HLTF: variants seen among roughly 807,000 people sequenced by gnomAD.
The protein encoded by HLTF is helicase like transcription factor, also known as DNA-dependent ATPase/E3 ubiquitin-protein ligase HLTF.
A neutral mutation model predicts 129.4 loss-of-function variants in HLTF; 127 were observed. The ratio of observed to expected loss-of-function variants is 0.98; its 90% CI spans 0.85 to 1.14. The LOEUF (loss-of-function observed/expected upper bound fraction) is 1.14. HLTF is among the 50% of genes most tolerant of loss of function. The pLI, the probability that HLTF is intolerant of heterozygous loss-of-function variation, is 0.00. For synonymous variants in HLTF, 332 were observed against 388.8 expected (o/e 0.85, Z 1.72); for missense variants, 1,139 against 1,187.1 (o/e 0.96, Z 0.60).
intron 2 of HLTF, among the ~76,000 whole-genome samples, chr3:149,079,481 T>C (rs1719693029): frequency 1.3e-5 from 1 of 74,436 alleles, no homozygotes; most frequent in Non-Finnish European, 2.9e-5. Flanking sequence ...TTAAAAAGTA[T>C]ATAATTATAA....
intron 21 of HLTF, 130 bp from the exon 22 acceptor site, chr3:149,039,823 CA>C: frequency 1.5e-6 from 1 of 667,000 alleles, no homozygotes; most frequent in Non-Finnish European, 2.4e-6. Context: ...TCATTTAAAA[CA>C]AAAAATTAAG....
At chr3:149,067,251 A>G (rs959971717) in intron 8 of HLTF, among the ~76,000 whole-genome samples, 2 of 151,894 alleles carry the variant, frequency 1.3e-5, no homozygotes, top group African/African-American at 4.8e-5. Context: ...TCACTAGGAC[A>G]TAAGTTATTA....
At chr3:149,050,081 A>G (rs535613306) in intron 15 of HLTF, 151 bp downstream of exon 15, 5 of 419,650 alleles carry the variant, frequency 1.2e-5, no homozygotes, top group Admixed American at 4.5e-5. Context: ...CAAAAAGTCA[A>G]AAAAAAAAAC....
At chr3:149,058,937 A>G (rs1196482533) in intron 13 of HLTF, among the ~76,000 whole-genome samples, 1 of 152,222 alleles carries the variant, frequency 6.6e-6, no homozygotes, top group African/African-American at 2.4e-5. Flanking sequence ...AAATTAGGGT[A>G]AAGAATAATC....
Position 149,060,686 on chromosome 3 carries a change from G to A in HLTF, c.1242C>T (p.Gly414=). The change falls in exon 12 of 25, where the codon GGC becomes GGT. Residue 414 remains glycine (G), a splice_region_variant and synonymous_variant. Coordinates refer to ENST00000310053, the MANE Select transcript of HLTF (RefSeq NM_003071.4). ...TTTCAGACTGTACATTTTTCAGTTT[G>A]CCTAAAAATAAAACAAAAATAAACA... The part of the protein sequence containing the change: ...ETSELPQKMK[G]KLKNVQSETK... 6.2e-7 allele frequency: 1 copy of A among 1,612,804 alleles called. No individual in the cohort carries two copies. The highest frequency in any genetic ancestry group is 8.5e-7 in the Non-Finnish European group (1 of 1,179,242).
Position 149,074,349 on chromosome 3 carries a change from C to CT in HLTF, c.396-2dup. On this transcript the variant is annotated splice_acceptor_variant, in intron 3 of 24. Transcript: ENST00000310053. LOFTEE classifies it high-confidence loss of function. The stretch of plus-strand genomic sequence containing the variant: ...ATTGTTTGCACCAAAAGGAACTACC[C>CT]TATTATATTTGGGAGAAAAAGAAAG... 2 of 1,599,824 alleles carry CT rather than the reference C, an allele frequency of 1.3e-6. No individual in the cohort carries two copies. The highest frequency in any genetic ancestry group is 1.7e-6 in the Non-Finnish European group (2 of 1,175,008).
chr3:149,040,280 T>A, intron 20 of HLTF, 124 bp from the exon 21 acceptor site: 2 of 799,606 alleles, frequency 2.5e-6, no homozygotes, highest in Non-Finnish European at 4.0e-6. Context: ...TTAAACCTTT[T>A]AATGGATTTC....
chr3:149,039,304 A>T (rs923859620), intron 22 of HLTF, 75 bp from the exon 23 acceptor site: 11 of 1,063,844 alleles, frequency 1.0e-5, no homozygotes, highest in Non-Finnish European at 1.4e-5. Flanking sequence ...GTAACTACAA[A>T]TCTCTTCAAT....
rs1718124025 is a variant in HLTF at position 149,063,504 on chromosome 3, G to A, written c.1087C>T (p.Gln363Ter). The A allele has an allele frequency of 6.2e-7, 1 of 1,606,230 alleles. No individual in the cohort carries two copies. The highest frequency in any genetic ancestry group is 1.1e-5 in the South Asian group (1 of 90,892). The change falls in exon 10 of 25, where the codon CAA (glutamine) becomes TAA (stop). Residue 363 changes from glutamine to a stop codon, truncating the protein, a stop_gained. Coordinates refer to ENST00000310053, the MANE Select transcript of HLTF (RefSeq NM_003071.4). LOFTEE classifies it high-confidence loss of function. The part of the protein sequence containing the change: ...LSKDASRCSE[Q>*]PSISDIKEKS... ...TCCTTGATATCTGAAATACTGGGTT[G>A]TTCACTACATCTAGATGCGTCTATT...
intron 16 of HLTF, among the ~76,000 whole-genome samples, 189 bp from the exon 17 acceptor site, chr3:149,048,352 G>A (rs1716722790): frequency 6.6e-6 from 1 of 152,176 alleles, no homozygotes; most frequent in African/African-American, 2.4e-5. Context: ...TCAAGATACA[G>A]TTTTGCTCTA....
intron 16 of HLTF, among the ~76,000 whole-genome samples, 194 bp downstream of exon 16, chr3:149,048,669 T>C (rs764451984): frequency 6.6e-6 from 1 of 152,206 alleles, no homozygotes. Flanking sequence ...GTTCCATAAA[T>C]TATCAATAAG....
intron 2 of HLTF, among the ~76,000 whole-genome samples, chr3:149,083,246 C>T (rs768924236): frequency 2.0e-5 from 3 of 149,386 alleles, no homozygotes; most frequent in Non-Finnish European, 3.0e-5. Flanking sequence ...AGCAAGACTC[C>T]GTTTCAAAAA....
intron 13 of HLTF, among the ~76,000 whole-genome samples, chr3:149,058,982 T>C (rs1283358596): frequency 6.6e-6 from 1 of 152,254 alleles, no homozygotes; most frequent in African/African-American, 2.4e-5. Flanking sequence ...TTCCTAATTA[T>C]CTGATTCTTG....
Position 149,041,542 on chromosome 3 carries a change from C to A in HLTF, c.2324G>T (p.Cys775Phe). Residue 775 changes from cysteine (C) to phenylalanine (F), a missense_variant, in exon 20 of 25, where the codon TGT (cysteine) becomes TTT (phenylalanine). By Grantham distance (205) the Cys-to-Phe change is radical. Coordinates refer to ENST00000310053, the MANE Select transcript of HLTF (RefSeq NM_003071.4). ...ACAGGGTTTACAAAATACATGTGCA[C>A]AATGTGTTATCACAGGAACTGTTAA... The part of the protein sequence containing the change: ...DSLTVPVITH[C>F]AHVFCKPCIC... The A allele has an allele frequency of 1.2e-6, 2 of 1,613,322 alleles. No individual in the cohort carries two copies. Among genetic ancestry groups the A allele is most frequent in the Non-Finnish European group, 1.7e-6 (2 of 1,179,466 alleles).
At chr3:149,044,434 T>C (rs185656419) in intron 18 of HLTF, among the ~76,000 whole-genome samples, 1 of 152,272 alleles carries the variant, frequency 6.6e-6, no homozygotes, top group Admixed American at 6.5e-5. Context: ...TTTGAGTGCC[T>C]ACCATGTGCT....
In HLTF at chr3:149,055,358, TCCTC is replaced by T. The variant is rs1717335704; in HGVS notation, c.1414_1417del (p.Glu472ArgfsTer7). 2 of 1,614,022 alleles carry T rather than the reference TCCTC, an allele frequency of 1.2e-6. No individual in the cohort carries two copies. On this transcript the variant is annotated frameshift_variant, in exon 14 of 25. Coordinates refer to ENST00000310053, the MANE Select transcript of HLTF (RefSeq NM_003071.4). LOFTEE classifies it high-confidence loss of function. ...GATGATCAGTGTTGTTCTTGGTCTC[TCCTC>T]AACATCAGTTTTCTTTGACCCCTCC...
Position 149,048,007 on chromosome 3 carries a change from T to A in HLTF, c.1892+21A>T, listed in dbSNP as rs747180073. 7.0e-6 allele frequency: 11 copies of A among 1,567,478 alleles called. No homozygotes were observed. In the African/African-American group the frequency reaches 1.5e-4, roughly 22 times the overall value. ...AACAGTTATTTGTAACTAATATTAATCACTGTCTGAAAGTACTTACCTAAG... is the reference window on the plus strand; with the variant it reads ...AACAGTTATTTGTAACTAATATTAAACACTGTCTGAAAGTACTTACCTAAG... On this transcript the variant is annotated intron_variant, in intron 17 of 24. Coordinates refer to ENST00000310053, the MANE Select transcript of HLTF (RefSeq NM_003071.4).
At chr3:149,062,636 A>C (rs1400123147) in intron 10 of HLTF, among the ~76,000 whole-genome samples, 3 of 152,222 alleles carry the variant, frequency 2.0e-5, no homozygotes, top group Non-Finnish European at 4.4e-5. Flanking sequence ...CTTTTATTCA[A>C]ATTCTCCCTC....
intron 23 of HLTF, among the ~76,000 whole-genome samples, chr3:149,035,369 C>T (rs1715482579): frequency 6.6e-6 from 1 of 151,682 alleles, no homozygotes; most frequent in Non-Finnish European, 1.5e-5. Context: ...TGAGAAAAGA[C>T]ACAATTCTTG....
Sources: allele counts gnomAD v4.1 joint callset (sites outside exome capture counted in the v4.1 genomes callset), GRCh38; gene constraint gnomAD v4.1.1; transcripts MANE v1.5; gene names NCBI Gene and HGNC (gene_info 2026-07-23, HGNC 2026-07-21).